Variants in PPM1H observed in about 807,000 individuals in gnomAD.
PPM1H encodes protein phosphatase, Mg2+/Mn2+ dependent 1H, also known as protein phosphatase 1H.
A neutral mutation model predicts 54.9 loss-of-function variants in PPM1H; 27 were observed. The observed-to-expected ratio is 0.49, with a 90% CI of 0.36 to 0.68. The LOEUF (loss-of-function observed/expected upper bound fraction) is 0.68. Ranked by LOEUF, PPM1H falls within the 30% of genes least tolerant of loss-of-function variation. PPM1H has a pLI of 0.00. For missense variants in PPM1H, 596 were observed against 667.8 expected (o/e 0.89, Z 1.19); for synonymous variants, 305 against 270.8 (o/e 1.13, Z -1.24).
chr12:62,821,425 C>T (rs191056008), intron 2 of PPM1H, among the ~76,000 whole-genome samples: 1 of 152,122 alleles, frequency 6.6e-6, no homozygotes, highest in African/African-American at 2.4e-5. Flanking sequence ...CAGAGACCAC[C>T]ACAAAGATAC....
Position 62,844,349 on chromosome 12 carries a change from G to A in PPM1H, c.246-12070C>T, listed in dbSNP as rs1208680160. ...GGAAGATTGCTTTAGCATTCCTGAG[G>A]AGAAATAATGTTCTGAGGGGCAAGG... On this transcript the variant is annotated intron_variant, in intron 1 of 9. Coordinates refer to ENST00000228705, the MANE Select transcript of PPM1H (RefSeq NM_020700.2). This position sits in a 1 kb window ranked among gnomAD's most constrained non-coding sequence, Gnocchi z 5.2. Among the ~76,000 whole-genome samples, 1 of 152,176 alleles carries A rather than the reference G, an allele frequency of 6.6e-6. No individual in the cohort carries two copies. The highest frequency in any genetic ancestry group is 1.5e-5 in the Non-Finnish European group (1 of 68,026).
At chr12:62,889,353 T>C (rs1009453467) in intron 1 of PPM1H, among the ~76,000 whole-genome samples, 3 of 152,144 alleles carry the variant, frequency 2.0e-5, no homozygotes, top group African/African-American at 7.2e-5. Context: ...GGGCTGACAC[T>C]ACCTGACTTC....
rs2075780259 is a variant in PPM1H at position 62,645,614 on chromosome 12, G to C, written c.*2875C>G. On this transcript the variant is annotated 3_prime_UTR_variant, in exon 10 of 10. Coordinates refer to ENST00000228705, the MANE Select transcript of PPM1H (RefSeq NM_020700.2). The stretch of plus-strand genomic sequence containing the variant: ...CACAGAGCATGGACGGACTGAGTTT[G>C]TTCTAAGGAAAGGAGTTTCACCAGA... 6.6e-6 allele frequency: 1 copy of C among 152,146 alleles called. No homozygotes were observed. The highest frequency in any genetic ancestry group is 6.5e-5 in the Admixed American group (1 of 15,280). 9.4% of individuals were successfully genotyped at this position (152,146 alleles called of 1,614,324 possible).
chr12:62,923,104 C>A (rs1189433976), intron 1 of PPM1H, among the ~76,000 whole-genome samples: 2 of 152,120 alleles, frequency 1.3e-5, no homozygotes, highest in South Asian at 2.1e-4. Context: ...GCACAAGGAC[C>A]CAATTGCTGC....
intron 2 of PPM1H, among the ~76,000 whole-genome samples, chr12:62,823,533 C>G (rs1043214748): frequency 1.3e-5 from 2 of 152,158 alleles, no homozygotes; most frequent in African/African-American, 4.8e-5. Context: ...AGCAGCTCAT[C>G]AAAAAGCTTA....
At chr12:62,884,313 C>A (rs2121054310) in intron 1 of PPM1H, among the ~76,000 whole-genome samples, 1 of 148,822 alleles carries the variant, frequency 6.7e-6, no homozygotes, top group East Asian at 2.0e-4. Flanking sequence ...ATGGTGAAAT[C>A]CTGTCTTGAC....
intron 8 of PPM1H, among the ~76,000 whole-genome samples, chr12:62,675,791 C>T (rs2075982100): frequency 1.3e-5 from 2 of 152,208 alleles, no homozygotes; most frequent in Non-Finnish European, 2.9e-5. Flanking sequence ...CAGGACTCTT[C>T]ACCACAGCAG....
rs1206168320 is a variant in PPM1H at position 62,646,792 on chromosome 12, T to G, written c.*1697A>C. ...CCACACCCTGGAATGAGTTCTTTCC[T>G]GAGCAGGAGGGGCTCCAGGCCTTTT... On this transcript the variant is annotated 3_prime_UTR_variant, in exon 10 of 10. Transcript: ENST00000228705. 6.6e-6 allele frequency: 1 copy of G among 152,244 alleles called. No homozygotes were observed. The highest frequency in any genetic ancestry group is 1.9e-4 in the East Asian group (1 of 5,182). 9.4% of individuals were successfully genotyped at this position (152,244 alleles called of 1,614,324 possible).
At chr12:62,829,504 G>A (rs1868327829) in intron 2 of PPM1H, among the ~76,000 whole-genome samples, 1 of 152,130 alleles carries the variant, frequency 6.6e-6, no homozygotes, top group Non-Finnish European at 1.5e-5. Flanking sequence ...TTTATGTTAT[G>A]TACATTTTAC....
intron 4 of PPM1H, among the ~76,000 whole-genome samples, chr12:62,752,622 A>C (rs1299224004): frequency 6.6e-6 from 1 of 152,126 alleles, no homozygotes; most frequent in Non-Finnish European, 1.5e-5. Flanking sequence ...GCATATCCAT[A>C]ATTTTTAATT....
chr12:62,679,562 G>T (rs1351031010), intron 8 of PPM1H, among the ~76,000 whole-genome samples: 1 of 152,132 alleles, frequency 6.6e-6, no homozygotes, highest in Non-Finnish European at 1.5e-5. Flanking sequence ...GGGCTCTCAA[G>T]AATGCAAAAG....
chr12:62,756,749 C>T (rs966457242), intron 4 of PPM1H, among the ~76,000 whole-genome samples: 11 of 151,528 alleles, frequency 7.3e-5, no homozygotes, highest in East Asian at 1.9e-4. Context: ...GCCAATTGAA[C>T]GGCCGAAGAT....
At chr12:62,698,338 C>T (rs942724388) in intron 6 of PPM1H, among the ~76,000 whole-genome samples, 2 of 152,208 alleles carry the variant, frequency 1.3e-5, no homozygotes, top group African/African-American at 4.8e-5. Flanking sequence ...CTTTCTTAAA[C>T]TGACCCAAAC....
intron 6 of PPM1H, 87 bp from the exon 7 acceptor site, chr12:62,694,086 T>C: frequency 1.7e-6 from 2 of 1,191,624 alleles, no homozygotes; most frequent in South Asian, 2.7e-5. Flanking sequence ...GATTTCATTT[T>C]CCCTGAGACC....
chr12:62,932,375 T>C, intron 1 of PPM1H, among the ~76,000 whole-genome samples: 1 of 152,156 alleles, frequency 6.6e-6, no homozygotes, highest in Non-Finnish European at 1.5e-5. Flanking sequence ...TCCCTCATGC[T>C]TATCTGAGGC....
At chr12:62,800,643 C>T (rs559224939) in intron 3 of PPM1H, among the ~76,000 whole-genome samples, 2 of 152,264 alleles carry the variant, frequency 1.3e-5, no homozygotes, top group African/African-American at 2.4e-5. Context: ...GGCCTGTAAT[C>T]TCCAGGTTTT....
At chr12:62,712,918 T>C (rs141515624) in intron 6 of PPM1H, among the ~76,000 whole-genome samples, 100 of 152,326 alleles carry the variant, frequency 6.6e-4, no homozygotes, top group African/African-American at 2.2e-3. Context: ...AATCAATTTA[T>C]ATTAAATGCG....
At chr12:62,855,964 C>G (rs1372403823) in intron 1 of PPM1H, among the ~76,000 whole-genome samples, 1 of 152,162 alleles carries the variant, frequency 6.6e-6, no homozygotes, top group African/African-American at 2.4e-5. Context: ...AGCTAATTAT[C>G]CACTACTATT....
intron 1 of PPM1H, among the ~76,000 whole-genome samples, chr12:62,912,553 T>C (rs1394852651): frequency 6.6e-6 from 1 of 152,054 alleles, no homozygotes; most frequent in African/African-American, 2.4e-5. Flanking sequence ...CACACGAGAT[T>C]TGGCAGAAAT....
Sources: allele counts gnomAD v4.1 joint callset (sites outside exome capture counted in the v4.1 genomes callset), GRCh38; gene constraint gnomAD v4.1.1; non-coding constraint Gnocchi (gnomAD v3.1); transcripts MANE v1.5; gene names NCBI Gene and HGNC (gene_info 2026-07-23, HGNC 2026-07-21).